SMARCA2: variants seen among roughly 807,000 people sequenced by gnomAD.
The protein encoded by SMARCA2 is SWI/SNF-related matrix-associated actin-dependent regulator of chromatin subfamily A member 2.
Under a neutral mutation model 199.8 loss-of-function variants are expected in SMARCA2, and 61 were observed. The ratio of observed to expected loss-of-function variants is 0.31; its 90% CI spans 0.25 to 0.38. The LOEUF (loss-of-function observed/expected upper bound fraction) is 0.38. Ranked by LOEUF, SMARCA2 falls within the 10% of genes least tolerant of loss-of-function variation. The probability of loss-of-function intolerance (pLI) is 1.00; values close to 1 mark genes in which losing one functional copy is unlikely to be tolerated. For missense variants in SMARCA2, 1,344 were observed against 2,012.2 expected, an observed-to-expected ratio of 0.67 and a Z score of 6.35; for synonymous variants, 935 against 732.0, an observed-to-expected ratio of 1.28 and a Z score of -4.48.
intron 2 of SMARCA2, among the ~76,000 whole-genome samples, chr9:2,032,000 G>C (rs1329899180): frequency 6.6e-6 from 1 of 152,106 alleles, no homozygotes; most frequent in Non-Finnish European, 1.5e-5. Flanking sequence ...CTTTATACCA[G>C]ATTCTTCCCA....
At chr9:2,105,170 T>C (rs1191940874) in intron 23 of SMARCA2, among the ~76,000 whole-genome samples, 1 of 152,246 alleles carries the variant, frequency 6.6e-6, no homozygotes, top group Non-Finnish European at 1.5e-5. Flanking sequence ...ATTCTCTTTA[T>C]GGTCTGCCTC....
chr9:2,076,850 C>T (rs375537780), intron 13 of SMARCA2, among the ~76,000 whole-genome samples: 4 of 152,114 alleles, frequency 2.6e-5, no homozygotes, highest in African/African-American at 9.7e-5. Flanking sequence ...CTCTGTGTCT[C>T]ATCCATTCCT....
intron 27 of SMARCA2, among the ~76,000 whole-genome samples, chr9:2,137,330 G>A (rs1278424525): frequency 1.3e-5 from 2 of 152,172 alleles, no homozygotes; most frequent in Non-Finnish European, 2.9e-5. Context: ...AGGTTCTCCA[G>A]TGGCCTTCCA....
rs947921384 is a variant in SMARCA2 at position 2,191,364 on chromosome 9, C to T, written c.4693C>T (p.Pro1565Ser). 1 of 1,614,074 alleles carries T rather than the reference C, an allele frequency of 6.2e-7. No individual in the cohort carries two copies. The highest frequency in any genetic ancestry group is 1.3e-5 in the African/African-American group (1 of 74,928). ...KKRPNRGKAK[P>S]VVSDFDSDEE... ...AAGGCCAAATCGAGGAAAAGCCAAA[C>T]CTGTAGTGAGCGATTTTGACAGCGA... The change falls in exon 33 of 34, where the codon CCT (proline) becomes TCT (serine). Residue 1565 changes from proline to serine, a missense_variant. Physicochemically the swap from Pro to Ser is moderately conservative, Grantham distance 74. Transcript: ENST00000349721.
At chr9:2,148,867 CA>C (rs1824898883) in intron 27 of SMARCA2, among the ~76,000 whole-genome samples, 1 of 151,438 alleles carries the variant, frequency 6.6e-6, no homozygotes, top group Non-Finnish European at 1.5e-5. Flanking sequence ...CTCTCCTGCG[CA>C]AATCCTTGAC....
chr9:2,019,239 G>A (rs938854039), intron 1 of SMARCA2, among the ~76,000 whole-genome samples: 1 of 152,034 alleles, frequency 6.6e-6, no homozygotes, highest in African/African-American at 2.4e-5. Context: ...TGAGGAATGT[G>A]GGGTATCAGA....
At chr9:2,058,182 C>G in intron 7 of SMARCA2, 109 bp from the exon 8 acceptor site, 1 of 924,230 alleles carries the variant, frequency 1.1e-6, no homozygotes, top group Non-Finnish European at 1.7e-6. Flanking sequence ...TCTAGTCTTC[C>G]TATGCTGTTA....
chr9:2,018,529 A>T (rs1015066273), intron 1 of SMARCA2, among the ~76,000 whole-genome samples: 10 of 152,230 alleles, frequency 6.6e-5, no homozygotes, highest in African/African-American at 2.2e-4. Context: ...TTAAGGATAC[A>T]CAGTTTGTTG....
intron 14 of SMARCA2, among the ~76,000 whole-genome samples, chr9:2,078,877 G>A (rs554265948): frequency 3.2e-4 from 49 of 151,986 alleles, no homozygotes; most frequent in South Asian, 1.2e-3. Flanking sequence ...CCCAGGAGGC[G>A]GAGCTTACAG....
At chr9:2,103,918 C>CTA in intron 22 of SMARCA2, 85 bp from the exon 23 acceptor site, 4 of 1,122,732 alleles carry the variant, frequency 3.6e-6, no homozygotes, top group Non-Finnish European at 5.3e-6. Flanking sequence ...GTACAAAGGA[C>CTA]TATATGAAAA....
In SMARCA2 at chr9:2,039,708, G is replaced by A. The variant is rs767831539; in HGVS notation, c.598G>A (p.Glu200Lys). 9.3e-6 allele frequency: 15 copies of A among 1,613,788 alleles called. No individual in the cohort carries two copies. Among genetic ancestry groups the A allele is most frequent in the East Asian group, 2.2e-5 (1 of 44,894 alleles). Residue 200 changes from glutamate (E) to lysine (K), a missense_variant, in exon 4 of 34, where the codon GAA (glutamate) becomes AAA (lysine). Around this residue, in one of 18 missense-constraint regions of SMARCA2, gnomAD observed 24 missense variants for 53.7 expected, o/e 0.45. Coordinates refer to ENST00000349721, the MANE Select transcript of SMARCA2 (RefSeq NM_003070.5). This position sits in a 1 kb window ranked among gnomAD's most constrained non-coding sequence, Gnocchi z 4.8. ...KMLARGQPLP[E>K]TLQLAVQGKR... is the part of the protein sequence containing the mutation. ...GCTGGCCCGAGGCCAGCCCCTCCCC[G>A]AAACGCTGCAGCTTGCAGTCCAGGG... is the stretch of plus-strand genomic sequence containing the variant.
chr9:2,035,893 A>G (rs372391701), intron 3 of SMARCA2, among the ~76,000 whole-genome samples: 4 of 152,326 alleles, frequency 2.6e-5, no homozygotes, highest in Non-Finnish European at 4.4e-5. Context: ...ATAATGATCT[A>G]AAAAGAATTT....
intron 25 of SMARCA2, among the ~76,000 whole-genome samples, chr9:2,117,930 C>G (rs911981357): frequency 6.6e-6 from 1 of 152,222 alleles, no homozygotes; most frequent in African/African-American, 2.4e-5. Context: ...TCTGAAAGAT[C>G]AGGACAACAT....
chr9:2,047,515 G>A lies in SMARCA2; in HGVS notation c.1046+31G>A, dbSNP rs769018851. 4 of 1,359,634 alleles carry A rather than the reference G, an allele frequency of 2.9e-6. No homozygotes were observed. The Admixed American group carries it at 8.8e-5, about 30-fold the overall frequency. 84.2% of individuals were successfully genotyped at this position (1,359,634 alleles called of 1,614,324 possible). On this transcript the variant is annotated intron_variant, in intron 5 of 33. Coordinates refer to ENST00000349721, the MANE Select transcript of SMARCA2 (RefSeq NM_003070.5). ...GCACCCCGCCAGCAAGGGGCCCCCT[G>A]CGGTGTGCTAGCACCTGCCGCCCAA...
At chr9:2,089,486 G>T (rs1821957093) in intron 19 of SMARCA2, among the ~76,000 whole-genome samples, 1 of 152,054 alleles carries the variant, frequency 6.6e-6, no homozygotes, top group African/African-American at 2.4e-5. Context: ...GGACAGATTG[G>T]TTCATCCTGT....
chr9:2,134,973 A>C (rs1824131122), intron 27 of SMARCA2, among the ~76,000 whole-genome samples: 1 of 151,870 alleles, frequency 6.6e-6, no homozygotes, highest in Non-Finnish European at 1.5e-5. Flanking sequence ...ATCCACAGAA[A>C]CAGAACCAAT....
chr9:2,174,583 C>T (rs570631567), intron 29 of SMARCA2, among the ~76,000 whole-genome samples: 6 of 152,138 alleles, frequency 3.9e-5, no homozygotes, highest in African/African-American at 7.2e-5. Context: ...TTAATTTGGT[C>T]GCAATTCAGC....
chr9:2,041,734 G>T (rs1039325203), intron 4 of SMARCA2: 1 of 245,300 alleles, frequency 4.1e-6, no homozygotes, highest in African/African-American at 2.2e-5. Flanking sequence ...GAACAGGAAA[G>T]GTTATACAAG....
At chr9:2,122,353 A>G (rs1823499563) in intron 26 of SMARCA2, among the ~76,000 whole-genome samples, 1 of 152,076 alleles carries the variant, frequency 6.6e-6, no homozygotes, top group Non-Finnish European at 1.5e-5. Flanking sequence ...TAGCTCTCTA[A>G]TAACTATTAG....
Sources: allele counts gnomAD v4.1 joint callset (sites outside exome capture counted in the v4.1 genomes callset), GRCh38; gene constraint gnomAD v4.1.1; regional missense constraint gnomAD v4.1.1; non-coding constraint Gnocchi (gnomAD v3.1); transcripts MANE v1.5; gene names NCBI Gene and HGNC (gene_info 2026-07-23, HGNC 2026-07-21).